Variants in CCDC198 observed in about 807,000 individuals in gnomAD.
The protein encoded by CCDC198 is coiled-coil domain containing 198.
A neutral mutation model predicts 35.6 loss-of-function variants in CCDC198; 18 were observed. That is an observed-to-expected ratio of 0.51 (90% confidence interval 0.35 to 0.75). The LOEUF (loss-of-function observed/expected upper bound fraction) is 0.75, where lower values mean the gene tolerates loss of function less well. Among genes scored for constraint, CCDC198 ranks in the 30% least tolerant of loss-of-function variants. The pLI is 0.01. For synonymous variants in CCDC198, 119 were observed against 113.4 expected (o/e 1.05, Z -0.31); for missense variants, 365 against 343.7 (o/e 1.06, Z -0.49).
chr14:57,482,208 T>G (rs1276630390), intron 3 of CCDC198, among the ~76,000 whole-genome samples: 1 of 152,180 alleles, frequency 6.6e-6, no homozygotes, highest in African/African-American at 2.4e-5. Flanking sequence ...TCCCCGCCAG[T>G]GCATCATAAA....
Position 57,483,170 on chromosome 14 carries a change from G to C in CCDC198, c.307-19C>G, listed in dbSNP as rs1185055640. ...CAAGCTTCTAGAAGTTCAACGTTTAGAGCAGTCAGCATTCCTCATGCCATG... is the reference window on the plus strand; with the variant it reads ...CAAGCTTCTAGAAGTTCAACGTTTACAGCAGTCAGCATTCCTCATGCCATG... On this transcript the variant is annotated intron_variant, in intron 2 of 5. Transcript: ENST00000216445. 3 of 1,613,942 alleles carry C rather than the reference G, an allele frequency of 1.9e-6. No individual in the cohort carries two copies. Among genetic ancestry groups the C allele is most frequent in the East Asian group, 2.2e-5 (1 of 44,872 alleles).
chr14:57,486,307 T>C (rs1406662392), intron 2 of CCDC198, among the ~76,000 whole-genome samples: 2 of 152,132 alleles, frequency 1.3e-5, no homozygotes. Context: ...CCGTGGATAA[T>C]TACGAAGATT....
intron 5 of CCDC198, chr14:57,480,108 G>C (rs1379697383): frequency 1.9e-5 from 4 of 207,290 alleles, no homozygotes; most frequent in African/African-American, 9.4e-5. Context: ...AGCAGGAACA[G>C]CAAGCTTAGG....
chr14:57,493,567 A>C lies in CCDC198; in HGVS notation c.149T>G (p.Leu50Arg). The change falls in exon 1 of 6, where the codon CTG becomes CGG. Residue 50 changes from leucine (L) to arginine (R), a missense_variant. Physicochemically the swap from Leu to Arg is moderately radical, Grantham distance 102. Coordinates refer to ENST00000216445, the MANE Select transcript of CCDC198 (RefSeq NM_018168.4). ...TTCCAAGGCTTTATTCTGGTCCTGC[A>C]GTCTTGCCAGTGAATATGAAGTCTT... ...EEKTSYSLAR[L>R]QDQNKALEGQ... 1 of 1,613,994 alleles carries C rather than the reference A, an allele frequency of 6.2e-7. No homozygotes were observed. Among genetic ancestry groups the C allele is most frequent in the Non-Finnish European group, 8.5e-7 (1 of 1,179,928 alleles).
chr14:57,470,212 C>T lies in CCDC198; in HGVS notation c.*1143G>A, dbSNP rs189499618. ...CGTGTATCCTGTAGGCTCTCTGTTA[C>T]GGTTAGCTCACTAGAAAGTGACCTA... On this transcript the variant is annotated 3_prime_UTR_variant, in exon 6 of 6. Coordinates refer to ENST00000216445, the MANE Select transcript of CCDC198 (RefSeq NM_018168.4). The T allele has an allele frequency of 7.9e-5, 12 of 152,278 alleles. No individual in the cohort carries two copies. The East Asian group carries it at 1.5e-3, about 20-fold the overall frequency. 9.4% of individuals were successfully genotyped at this position (152,278 alleles called of 1,614,324 possible).
intron 5 of CCDC198, among the ~76,000 whole-genome samples, chr14:57,479,177 G>A (rs561196058): frequency 2.6e-4 from 39 of 152,294 alleles, no homozygotes; most frequent in African/African-American, 8.7e-4. Context: ...GGCTGGGTGC[G>A]AGAGTGGCAG....
intron 5 of CCDC198, chr14:57,478,520 C>A: frequency 1.0e-6 from 1 of 986,784 alleles, no homozygotes; most frequent in Non-Finnish European, 1.2e-6. Flanking sequence ...GAGGAAAACC[C>A]CTTTCTCCAT....
intron 4 of CCDC198, 37 bp from the exon 5 acceptor site, chr14:57,480,791 C>A: frequency 6.2e-7 from 1 of 1,608,934 alleles, no homozygotes; most frequent in Non-Finnish European, 8.5e-7. Context: ...AATGTTCTTC[C>A]CAAGCTACTT....
At chr14:57,488,443 C>T (rs544310513) in intron 2 of CCDC198, among the ~76,000 whole-genome samples, 1 of 152,104 alleles carries the variant, frequency 6.6e-6, no homozygotes, top group South Asian at 2.1e-4. Flanking sequence ...AGGGAGTGCA[C>T]TTTGAGTGCT....
At chr14:57,485,220 T>C (rs1258783481) in intron 2 of CCDC198, among the ~76,000 whole-genome samples, 2 of 151,962 alleles carry the variant, frequency 1.3e-5, no homozygotes, top group Non-Finnish European at 2.9e-5. Flanking sequence ...TGGGGAATAA[T>C]CCCAGAGTAG....
chr14:57,471,255 G>T lies in CCDC198; in HGVS notation c.*100C>A. The T allele has an allele frequency of 1.2e-6, 1 of 804,644 alleles. No homozygotes were observed. Among genetic ancestry groups the T allele is most frequent in the Non-Finnish European group, 2.0e-6 (1 of 504,820 alleles). 49.8% of individuals were successfully genotyped at this position (804,644 alleles called of 1,614,324 possible). A position where few individuals can be genotyped will look rare whatever the true frequency, so the allele number is the denominator to read the frequency against. On this transcript the variant is annotated 3_prime_UTR_variant, in exon 6 of 6. Coordinates refer to ENST00000216445, the MANE Select transcript of CCDC198 (RefSeq NM_018168.4). ...AGATATCATTTCTTTTTACCAAAGT[G>T]ATTTGCTGTCCTCAAAGTAATTCAT...
At chr14:57,477,001 G>A (rs188146534) in intron 5 of CCDC198, among the ~76,000 whole-genome samples, 304 of 152,362 alleles carry the variant, frequency 2.0e-3, no homozygotes, top group African/African-American at 7.0e-3. Flanking sequence ...GTGAGTGCAC[G>A]CCTGAGCAGC....
Position 57,469,551 on chromosome 14 carries a change from A to G in CCDC198, c.*1804T>C, listed in dbSNP as rs1227320484. On this transcript the variant is annotated 3_prime_UTR_variant, in exon 6 of 6. Transcript: ENST00000216445. ...TTTGTGTTTTAAGCCTTCCAAATTGACCACAATAAGTGAGGACACCATGAA... is the reference window on the plus strand; with the variant it reads ...TTTGTGTTTTAAGCCTTCCAAATTGGCCACAATAAGTGAGGACACCATGAA... The G allele has an allele frequency of 6.6e-6, 1 of 152,232 alleles. No homozygotes were observed. The highest frequency in any genetic ancestry group is 1.5e-5 in the Non-Finnish European group (1 of 68,038). 9.4% of individuals were successfully genotyped at this position (152,232 alleles called of 1,614,324 possible).
intron 1 of CCDC198, among the ~76,000 whole-genome samples, chr14:57,493,026 G>A (rs1009519421): frequency 6.6e-6 from 1 of 151,972 alleles, no homozygotes; most frequent in African/African-American, 2.4e-5. Flanking sequence ...TGTTTAGGGT[G>A]GTTTCAAAAT....
chr14:57,472,796 C>CAGGA (rs1472169601), intron 5 of CCDC198, among the ~76,000 whole-genome samples: 2 of 152,132 alleles, frequency 1.3e-5, no homozygotes, highest in Admixed American at 6.5e-5. Flanking sequence ...CAGAAAGCAA[C>CAGGA]AGGAGCTTTG....
At chr14:57,478,497 C>G in intron 5 of CCDC198, 2 of 986,654 alleles carry the variant, frequency 2.0e-6, no homozygotes, top group Non-Finnish European at 2.4e-6. Context: ...CTTTAAAAAG[C>G]ATCAGGAGAG....
chr14:57,472,698 AT>A (rs1198468976), intron 5 of CCDC198, among the ~76,000 whole-genome samples: 1 of 152,124 alleles, frequency 6.6e-6, no homozygotes, highest in Non-Finnish European at 1.5e-5. Context: ...GAGACAATTT[AT>A]TTTTAGTTTG....
chr14:57,473,719 A>G (rs2139462631), intron 5 of CCDC198, among the ~76,000 whole-genome samples: 1 of 152,276 alleles, frequency 6.6e-6, no homozygotes, highest in Middle Eastern at 3.4e-3. Flanking sequence ...AGTGACATTT[A>G]AAAATATGAA....
chr14:57,481,582 C>T lies in CCDC198; in HGVS notation c.472G>A (p.Glu158Lys). The T allele has an allele frequency of 6.2e-7, 1 of 1,612,148 alleles. No individual in the cohort carries two copies. The highest frequency in any genetic ancestry group is 1.1e-5 in the South Asian group (1 of 90,938). The change falls in exon 4 of 6, where the codon GAA becomes AAA. Residue 158 changes from glutamate (E) to lysine (K), a missense_variant. Glu to Lys is a moderately conservative substitution (Grantham distance 56, BLOSUM62 1). Coordinates refer to ENST00000216445, the MANE Select transcript of CCDC198 (RefSeq NM_018168.4). ...RQYLHKMQVL[E>K]MIRKRQEAQM... ...ACCTCTTGTCTTTTACGGATCATTT[C>T]CAGCACTTGCATCTTATGCAAATAT...
Sources: gnomAD v4.1 joint callset for allele counts (sites outside exome capture counted in the v4.1 genomes callset) on GRCh38, gnomAD v4.1.1 for gene constraint, MANE v1.5 for transcripts, NCBI Gene and HGNC (gene_info 2026-07-23, HGNC 2026-07-21) for gene names.